The following ATP2B2 variants were observed in gnomAD, a reference collection of about 807,000 sequenced individuals.
ATP2B2 encodes the protein ATPase plasma membrane Ca2+ transporting 2, also known as plasma membrane calcium-transporting ATPase 2.
Under a neutral mutation model 120.0 loss-of-function variants are expected in ATP2B2, and 15 were observed. That is an observed-to-expected ratio of 0.12 (90% CI 0.08 to 0.19). The LOEUF (loss-of-function observed/expected upper bound fraction) is 0.19. ATP2B2 is among the 10% of genes least tolerant of loss of function. The probability of loss-of-function intolerance (pLI) is 1.00; values close to 1 mark genes in which losing one functional copy is unlikely to be tolerated. For missense variants in ATP2B2, 1,045 were observed against 1,719.8 expected, an observed-to-expected ratio of 0.61 and a Z score of 6.94; for synonymous variants, 694 against 700.3, an observed-to-expected ratio of 0.99 and a Z score of 0.14.
intron 1 of ATP2B2, among the ~76,000 whole-genome samples, chr3:10,451,423 G>T (rs1030455388): frequency 7.9e-5 from 12 of 152,302 alleles, no homozygotes; most frequent in African/African-American, 2.6e-4. Context: ...GGGCAAAACA[G>T]TCTCTCTTCC....
chr3:10,646,256 T>A (rs1389409782), intron 1 of ATP2B2, among the ~76,000 whole-genome samples: 1 of 152,212 alleles, frequency 6.6e-6, no homozygotes, highest in Non-Finnish European at 1.5e-5. Flanking sequence ...GTCCTGGGGA[T>A]ACTTGAGAGG....
chr3:10,355,985 G>C (rs1469268065), intron 14 of ATP2B2, among the ~76,000 whole-genome samples: 1 of 69,360 alleles, frequency 1.4e-5, no homozygotes, highest in Non-Finnish European at 2.7e-5. Flanking sequence ...TGAGGCAGGG[G>C]AATGGCGTGA....
chr3:10,500,351 A>C (rs191238970), intron 1 of ATP2B2, among the ~76,000 whole-genome samples: 167 of 152,278 alleles, frequency 1.1e-3, no homozygotes, highest in African/African-American at 3.6e-3. Flanking sequence ...TAAACACCTC[A>C]TAAATCTTAG....
chr3:10,393,407 T>C (rs2061922323), intron 5 of ATP2B2, among the ~76,000 whole-genome samples: 1 of 152,176 alleles, frequency 6.6e-6, no homozygotes, highest in Non-Finnish European at 1.5e-5. Flanking sequence ...GCATTCATGA[T>C]GTGCCAAGTT....
At chr3:10,629,881 G>A (rs1367027625) in intron 1 of ATP2B2, among the ~76,000 whole-genome samples, 1 of 152,212 alleles carries the variant, frequency 6.6e-6, no homozygotes, top group African/African-American at 2.4e-5. Flanking sequence ...ACCCACATGG[G>A]TATCGATGCT....
chr3:10,339,750 G>A (rs780150876), intron 21 of ATP2B2, among the ~76,000 whole-genome samples: 51 of 152,134 alleles, frequency 3.4e-4, no homozygotes, highest in Non-Finnish European at 5.9e-4. Context: ...GTGCTCTAAA[G>A]GATCCTGATT....
intron 1 of ATP2B2, among the ~76,000 whole-genome samples, chr3:10,686,043 CTT>C (rs34073958): frequency 0.021 from 1,942 of 93,214 alleles, 9 homozygotes; most frequent in South Asian, 0.053. Context: ...TTCCTCCTTT[CTT>C]TTTTTTTTTT....
At chr3:10,640,211 C>T (rs1441831127) in intron 1 of ATP2B2, among the ~76,000 whole-genome samples, 1 of 152,150 alleles carries the variant, frequency 6.6e-6, no homozygotes, top group African/African-American at 2.4e-5. Context: ...GAACCGATGT[C>T]TATCTAAGGT....
At position 10,480,941 on chromosome 3, in the gene ATP2B2, C is replaced by T. The variant is rs544946897; in HGVS notation, c.-320+24524G>A. Among the ~76,000 whole-genome samples, 18 of 152,376 alleles carry T rather than the reference C, an allele frequency of 1.2e-4. No homozygotes were observed. In the East Asian group the frequency reaches 3.5e-3, roughly 29 times the overall value. On this transcript the variant is annotated intron_variant, in intron 1 of 22. Coordinates refer to ENST00000360273, the MANE Select transcript of ATP2B2 (RefSeq NM_001001331.4). ...CCAGGGCCAGAGGGCCCCGTCACCC[C>T]TCCCTCTCTTTATCTCACACCACTA...
At chr3:10,557,324 C>A (rs985127952) in intron 2 of ATP2B2, among the ~76,000 whole-genome samples, 1 of 152,226 alleles carries the variant, frequency 6.6e-6, no homozygotes, top group African/African-American at 2.4e-5. Context: ...AAAAGTTCAT[C>A]AGAAAAGTCA....
In ATP2B2 at chr3:10,347,544, C is replaced by A. The variant is rs1204525959; in HGVS notation, c.2405-1407G>T. 6.6e-6 allele frequency among the ~76,000 whole-genome samples: 1 copy of A among 152,202 alleles called. No individual in the cohort carries two copies. The highest frequency in any genetic ancestry group is 1.5e-5 in the Non-Finnish European group (1 of 68,024). On this transcript the variant is annotated intron_variant, in intron 16 of 22. Coordinates refer to ENST00000360273, the MANE Select transcript of ATP2B2 (RefSeq NM_001001331.4). The surrounding 1 kb of genome is among the most constrained non-coding windows in gnomAD (Gnocchi z 5.2). The stretch of plus-strand genomic sequence containing the variant: ...CCCTCTTTCAGGCCCAGCTGCAGTG[C>A]CGTGTGTTCTGGGAATCGTTCTGGG...
At chr3:10,671,273 C>A (rs2071088446) in intron 1 of ATP2B2, among the ~76,000 whole-genome samples, 1 of 152,150 alleles carries the variant, frequency 6.6e-6, no homozygotes, top group Non-Finnish European at 1.5e-5. Flanking sequence ...AACCAGGAGT[C>A]CGGAGAACTG....
rs1260033971 is a variant in ATP2B2 at position 10,375,286 on chromosome 3, T to C, written c.1416+144A>G. ...TGAAAGCGTCAGAGTTTTGGGGTCC[T>C]GCATACATTCTTCTTCCAAGCTCCT... On this transcript the variant is annotated intron_variant, in intron 11 of 22. Transcript: ENST00000360273. The surrounding 1 kb of genome is among the most constrained non-coding windows in gnomAD (Gnocchi z 4.2). The C allele has an allele frequency of 2.9e-6, 2 of 693,294 alleles. No individual in the cohort carries two copies. The highest frequency in any genetic ancestry group is 5.4e-5 in the East Asian group (2 of 37,070). 42.9% of individuals were successfully genotyped at this position (693,294 alleles called of 1,614,324 possible). A position where few individuals can be genotyped will look rare whatever the true frequency, so the allele number is the denominator to read the frequency against.
intron 12 of ATP2B2, among the ~76,000 whole-genome samples, chr3:10,363,430 G>A (rs1183397046): frequency 2.6e-5 from 4 of 152,236 alleles, no homozygotes; most frequent in African/African-American, 9.7e-5. Context: ...GGGACCTGCA[G>A]AGGGTCAGGC....
intron 12 of ATP2B2, among the ~76,000 whole-genome samples, chr3:10,361,142 C>G (rs1351089418): frequency 6.6e-6 from 1 of 152,160 alleles, no homozygotes; most frequent in Non-Finnish European, 1.5e-5. Flanking sequence ...ACAGACTGTC[C>G]CTCATGAGTT....
intron 2 of ATP2B2, among the ~76,000 whole-genome samples, chr3:10,544,027 C>G (rs1415471761): frequency 6.6e-6 from 1 of 151,144 alleles, no homozygotes; most frequent in African/African-American, 2.4e-5. Context: ...GCGTAAGCCA[C>G]CACACCTGGC....
intron 2 of ATP2B2, among the ~76,000 whole-genome samples, chr3:10,536,134 C>A (rs1207528999): frequency 6.6e-6 from 1 of 152,112 alleles, no homozygotes; most frequent in Non-Finnish European, 1.5e-5. Flanking sequence ...AATGATGTTG[C>A]ACATCTTTTC....
In ATP2B2 at chr3:10,358,885, A is replaced by T. The variant is rs373876706; in HGVS notation, c.1942T>A (p.Phe648Ile). The T allele has an allele frequency of 5.6e-6, 9 of 1,613,958 alleles. No homozygotes were observed. The highest frequency in any genetic ancestry group is 7.6e-6 in the Non-Finnish European group (9 of 1,180,014). The change falls in exon 14 of 23, where the codon TTC becomes ATC. Residue 648 changes from phenylalanine to isoleucine, a missense_variant. Phe to Ile is a conservative substitution (Grantham distance 21). This residue lies in a region of ATP2B2 where 343 missense variants were observed against 536.8 expected (regional missense o/e 0.64). Coordinates refer to ENST00000360273, the MANE Select transcript of ATP2B2 (RefSeq NM_001001331.4). ...ATCTCGTCCCGGTCGCGGGGCCGGA[A>T]GACACGAGGCTCTCCCGCCCCATTG... ...ILNGAGEPRV[F>I]RPRDRDEMVK...
chr3:10,696,836 A>G (rs935895688), intron 1 of ATP2B2, among the ~76,000 whole-genome samples: 2 of 152,216 alleles, frequency 1.3e-5, no homozygotes, highest in African/African-American at 4.8e-5. Flanking sequence ...GTGGTAACCA[A>G]GATAGAATAG....
Sources: allele counts gnomAD v4.1 joint callset (sites outside exome capture counted in the v4.1 genomes callset), GRCh38; gene constraint gnomAD v4.1.1; regional missense constraint gnomAD v4.1.1; non-coding constraint Gnocchi (gnomAD v3.1); transcripts MANE v1.5; gene names NCBI Gene and HGNC (gene_info 2026-07-23, HGNC 2026-07-21).